The following KCNT2 variants were observed in gnomAD, a reference collection of about 807,000 sequenced individuals.
KCNT2 encodes the protein potassium channel subfamily T member 2.
A neutral mutation model predicts 153.8 loss-of-function variants in KCNT2; 67 were observed. The ratio of observed to expected loss-of-function variants is 0.44; its 90% CI spans 0.36 to 0.53. The LOEUF is 0.53. KCNT2 is among the 20% of genes least tolerant of loss of function. KCNT2 has a pLI of 0.00. For synonymous variants in KCNT2, 500 were observed against 458.8 expected (o/e 1.09, Z -1.15); for missense variants, 975 against 1,354.8 (o/e 0.72, Z 4.40).
chr1:196,471,688 A>G (rs1185213052), intron 5 of KCNT2, among the ~76,000 whole-genome samples: 1 of 152,104 alleles, frequency 6.6e-6, no homozygotes, highest in Non-Finnish European at 1.5e-5. Context: ...AGATTGTATA[A>G]TTTAGTTCAT....
At chr1:196,504,244 C>A (rs1572664607) in intron 1 of KCNT2, among the ~76,000 whole-genome samples, 1 of 135,808 alleles carries the variant, frequency 7.4e-6, no homozygotes, top group East Asian at 2.5e-4. Context: ...CTCCCCCCAT[C>A]CCACAACAGT....
chr1:196,257,824 T>C, intron 26 of KCNT2: 2 of 985,220 alleles, frequency 2.0e-6, no homozygotes, highest in Non-Finnish European at 1.2e-6. Context: ...TACTTGTCAA[T>C]GCCTCAAATT....
chr1:196,425,480 A>C (rs1375504397), intron 11 of KCNT2, among the ~76,000 whole-genome samples: 1 of 151,914 alleles, frequency 6.6e-6, no homozygotes, highest in Non-Finnish European at 1.5e-5. Context: ...TTAGCCCACA[A>C]TTTTTATATG....
intron 1 of KCNT2, among the ~76,000 whole-genome samples, chr1:196,559,686 G>A (rs1056468991): frequency 5.9e-5 from 9 of 151,650 alleles, no homozygotes; most frequent in Non-Finnish European, 5.9e-5. Flanking sequence ...ACTAAATATG[G>A]CATTTCATTT....
chr1:196,352,726 GTTATTT>G (rs1666835978), intron 14 of KCNT2, among the ~76,000 whole-genome samples: 1 of 152,008 alleles, frequency 6.6e-6, no homozygotes, highest in Non-Finnish European at 1.5e-5. Context: ...TCTGATTTTA[GTTATTT>G]CTTGCCTTCT....
chr1:196,356,074 C>T (rs1044643788), intron 14 of KCNT2, among the ~76,000 whole-genome samples: 4 of 151,736 alleles, frequency 2.6e-5, no homozygotes, highest in Admixed American at 6.6e-5. Context: ...ACTTACAAAG[C>T]TCCTATTGCT....
rs141657824 is a variant in KCNT2, at chr1:196,258,353, C to G, written c.3052G>C (p.Ala1018Pro). The change falls in exon 26 of 28, where the codon GCC becomes CCC. Residue 1018 changes from alanine to proline, a missense_variant. Physicochemically the swap from Ala to Pro is conservative, Grantham distance 27. This residue lies in a region of KCNT2 where 241 missense variants were observed against 271.1 expected (regional missense o/e 0.89). Transcript: ENST00000294725. ...PLLRRKSMQW[A>P]RRLSRKGPKH... The stretch of plus-strand genomic sequence containing the variant: ...GGGCCTTTTCTGCTCAGTCTTCGGG[C>G]CCACTGCATGCTTTTTCTCCGCAGC... 1.2e-6 allele frequency: 2 copies of G among 1,613,856 alleles called. No individual in the cohort carries two copies. Among genetic ancestry groups the G allele is most frequent in the African/African-American group, 1.3e-5 (1 of 74,878 alleles).
At chr1:196,296,098 C>T (rs1660653349) in intron 22 of KCNT2, among the ~76,000 whole-genome samples, 1 of 151,894 alleles carries the variant, frequency 6.6e-6, no homozygotes, top group African/African-American at 2.4e-5. Context: ...ATGGGTCCCA[C>T]AGATCAAAAT....
intron 27 of KCNT2, among the ~76,000 whole-genome samples, chr1:196,228,957 G>A (rs1210160844): frequency 2.0e-5 from 3 of 152,140 alleles, no homozygotes; most frequent in South Asian, 4.1e-4. Flanking sequence ...TTATGGTATA[G>A]TAAGTGATAA....
At chr1:196,533,431 C>T (rs1655185895) in intron 1 of KCNT2, among the ~76,000 whole-genome samples, 1 of 151,938 alleles carries the variant, frequency 6.6e-6, no homozygotes, top group African/African-American at 2.4e-5. Context: ...CTGATGATTC[C>T]AGAGAAGCAA....
chr1:196,425,248 A>C (rs558282320), intron 11 of KCNT2, among the ~76,000 whole-genome samples: 67 of 152,086 alleles, frequency 4.4e-4, no homozygotes, highest in Non-Finnish European at 7.5e-4. Context: ...CAAATGTTTA[A>C]GACTATGTCA....
intron 5 of KCNT2, among the ~76,000 whole-genome samples, chr1:196,471,016 G>T (rs996486035): frequency 6.6e-6 from 1 of 151,516 alleles, no homozygotes; most frequent in African/African-American, 2.4e-5. Context: ...AAGTAGCTGG[G>T]ACTGCAGGCA....
At chr1:196,239,122 T>G (rs891755556) in intron 26 of KCNT2, among the ~76,000 whole-genome samples, 6 of 151,998 alleles carry the variant, frequency 3.9e-5, no homozygotes, top group Non-Finnish European at 7.4e-5. Context: ...AAATAAATTT[T>G]ATTTGGTAAA....
intron 16 of KCNT2, among the ~76,000 whole-genome samples, chr1:196,335,739 AC>A (rs1664961178): frequency 6.6e-6 from 1 of 152,218 alleles, no homozygotes; most frequent in East Asian, 1.9e-4. Context: ...CCTTGTTATA[AC>A]CAATAAAAAC....
intron 1 of KCNT2, among the ~76,000 whole-genome samples, chr1:196,562,482 G>T (rs970225070): frequency 6.6e-6 from 1 of 151,836 alleles, no homozygotes; most frequent in Non-Finnish European, 1.5e-5. Context: ...GATGATTGGA[G>T]GACTTAGAAT....
In KCNT2 at chr1:196,533,435, G is replaced by A. The variant is rs188480885; in HGVS notation, c.96-41094C>T. 1.2e-3 allele frequency among the ~76,000 whole-genome samples: 189 copies of A among 152,182 alleles called. 2 individuals carry two copies. The East Asian group carries it at 0.024, about 19-fold the overall frequency. On this transcript the variant is annotated intron_variant, in intron 1 of 27. Coordinates refer to ENST00000294725, the MANE Select transcript of KCNT2 (RefSeq NM_198503.5). ...AAAAGACAAATCTGATGATTCCAGA[G>A]AAGCAACTATAAATATGAACTAGTC...
At chr1:196,557,662 A>G (rs551440528) in intron 1 of KCNT2, among the ~76,000 whole-genome samples, 2 of 151,396 alleles carry the variant, frequency 1.3e-5, no homozygotes, top group South Asian at 2.1e-4. Context: ...TATTTTACTT[A>G]CCACTGAGCA....
intron 1 of KCNT2, among the ~76,000 whole-genome samples, chr1:196,518,680 A>G (rs1652938514): frequency 6.6e-6 from 1 of 152,182 alleles, no homozygotes; most frequent in African/African-American, 2.4e-5. Flanking sequence ...AATGATGGAA[A>G]AAAAAGCACA....
At chr1:196,509,708 G>C (rs1424675435) in intron 1 of KCNT2, among the ~76,000 whole-genome samples, 1 of 152,076 alleles carries the variant, frequency 6.6e-6, no homozygotes, top group East Asian at 1.9e-4. Context: ...AGTGTCATAG[G>C]TGTCTGTATA....
Sources: gnomAD v4.1 joint callset for allele counts (sites outside exome capture counted in the v4.1 genomes callset) on GRCh38, gnomAD v4.1.1 for gene constraint, gnomAD v4.1.1 regional missense constraint, MANE v1.5 for transcripts, NCBI Gene and HGNC (gene_info 2026-07-23, HGNC 2026-07-21) for gene names.